Variants in APP observed in about 807,000 individuals in gnomAD.
The protein encoded by APP is amyloid-beta precursor protein.
In APP, 31 loss-of-function variants were observed where a neutral mutation model predicts 101.4. The ratio of observed to expected loss-of-function variants is 0.31; its 90% CI spans 0.23 to 0.41. The LOEUF is 0.41. Among genes scored for constraint, APP ranks in the 10% least tolerant of loss-of-function variants. APP has a pLI of 1.00. For synonymous variants in APP, 366 were observed against 364.4 expected (o/e 1.00, Z -0.05); for missense variants, 839 against 1,003.7 (o/e 0.84, Z 2.22).
At chr21:26,000,697 A>C (rs904537698) in intron 6 of APP, among the ~76,000 whole-genome samples, 5 of 152,150 alleles carry the variant, frequency 3.3e-5, no homozygotes, top group African/African-American at 1.2e-4. Flanking sequence ...CTGTCTGTCC[A>C]TTGACTTTAT....
chr21:25,933,329 C>T (rs977613221), intron 13 of APP, among the ~76,000 whole-genome samples: 1 of 152,176 alleles, frequency 6.6e-6, no homozygotes, highest in African/African-American at 2.4e-5. Flanking sequence ...TCTTGAATTG[C>T]TGGGGTCAAG....
intron 8 of APP, among the ~76,000 whole-genome samples, chr21:25,985,633 T>A (rs375414749): frequency 1.3e-5 from 2 of 152,272 alleles, no homozygotes; most frequent in Middle Eastern, 3.4e-3. Context: ...TTAGCCTCCA[T>A]AATTGTTGTG....
intron 1 of APP, among the ~76,000 whole-genome samples, chr21:26,155,769 G>A (rs1383397445): frequency 6.6e-6 from 1 of 152,148 alleles, no homozygotes; most frequent in Non-Finnish European, 1.5e-5. Context: ...GCCGAGACGG[G>A]TGGATCATGA....
chr21:25,916,639 C>T (rs2039362690), intron 13 of APP, among the ~76,000 whole-genome samples: 1 of 152,162 alleles, frequency 6.6e-6, no homozygotes, highest in East Asian at 1.9e-4. Flanking sequence ...TTAATTACAA[C>T]ACTCTGATGG....
At position 25,899,966 on chromosome 21, in the gene APP, T is replaced by TAAC. The variant is rs924337084; in HGVS notation, c.1964-2296_1964-2294dup. Among the ~76,000 whole-genome samples, 26 of 152,164 alleles carry TAAC rather than the reference T, an allele frequency of 1.7e-4. 1 individual carries two copies. Among genetic ancestry groups the TAAC allele is most frequent in the Non-Finnish European group, 2.4e-4 (16 of 68,026 alleles). On this transcript the variant is annotated intron_variant, in intron 15 of 17. Coordinates refer to ENST00000346798, the MANE Select transcript of APP (RefSeq NM_000484.4). ...TTTAACTCTGGTCCTCTCAATGACC[T>TAAC]AACCCTCAACCCCCAACTTCTTGCT... is the stretch of plus-strand genomic sequence containing the variant.
At chr21:26,080,624 A>T (rs1019300514) in intron 3 of APP, among the ~76,000 whole-genome samples, 1 of 151,904 alleles carries the variant, frequency 6.6e-6, no homozygotes, top group Non-Finnish European at 1.5e-5. Flanking sequence ...AAAAAAAATT[A>T]GCCAGTAGTG....
chr21:26,152,916 G>A (rs926844608), intron 1 of APP, among the ~76,000 whole-genome samples: 1 of 152,084 alleles, frequency 6.6e-6, no homozygotes, highest in African/African-American at 2.4e-5. Context: ...CTAATGAGAG[G>A]ATAAAGAAGA....
chr21:26,134,827 G>A (rs1421758276), intron 1 of APP, among the ~76,000 whole-genome samples: 1 of 152,142 alleles, frequency 6.6e-6, no homozygotes, highest in Non-Finnish European at 1.5e-5. Context: ...AAGGATTTTA[G>A]GAGCTAAATG....
intron 2 of APP, among the ~76,000 whole-genome samples, chr21:26,100,497 C>A (rs1177748129): frequency 3.9e-5 from 6 of 152,152 alleles, no homozygotes; most frequent in Non-Finnish European, 8.8e-5. Flanking sequence ...ATATAGTATA[C>A]CTTCCAACTC....
intron 14 of APP, 145 bp from the exon 15 acceptor site, chr21:25,905,222 G>A (rs2038727615): frequency 1.4e-6 from 1 of 734,036 alleles, no homozygotes; most frequent in Non-Finnish European, 2.4e-6. Context: ...GAACCACAGT[G>A]AGTTAATCCC....
intron 11 of APP, among the ~76,000 whole-genome samples, chr21:25,969,661 G>A (rs980093253): frequency 4.0e-5 from 6 of 151,586 alleles, no homozygotes; most frequent in Non-Finnish European, 4.4e-5. Context: ...GTAACACAGC[G>A]AGACCCTGTC....
chr21:26,128,640 G>T (rs1451448738), intron 1 of APP, among the ~76,000 whole-genome samples: 2 of 151,964 alleles, frequency 1.3e-5, no homozygotes, highest in Non-Finnish European at 2.9e-5. Flanking sequence ...AATGTCAACA[G>T]TTATTACCTG....
chr21:26,136,833 T>G (rs2062929237), intron 1 of APP, among the ~76,000 whole-genome samples: 1 of 152,198 alleles, frequency 6.6e-6, no homozygotes, highest in African/African-American at 2.4e-5. Context: ...TGTCTTCTGT[T>G]GCCAGATCTG....
At chr21:26,071,996 G>T (rs1388031045) in intron 3 of APP, among the ~76,000 whole-genome samples, 3 of 152,172 alleles carry the variant, frequency 2.0e-5, no homozygotes, top group African/African-American at 7.2e-5. Context: ...AAACTGTCTG[G>T]ATATTTCAGG....
At chr21:25,882,060 C>G (rs914753083) in intron 17 of APP, among the ~76,000 whole-genome samples, 3 of 151,934 alleles carry the variant, frequency 2.0e-5, no homozygotes, top group Non-Finnish European at 4.4e-5. Context: ...GTGGATAAAC[C>G]CAGTGCAATG....
chr21:26,112,530 G>A (rs891601148), intron 1 of APP, among the ~76,000 whole-genome samples: 2 of 152,204 alleles, frequency 1.3e-5, no homozygotes. Flanking sequence ...AAACTCCACT[G>A]ACTCACACAG....
At chr21:26,063,101 G>T (rs867577298) in intron 3 of APP, among the ~76,000 whole-genome samples, 6 of 152,278 alleles carry the variant, frequency 3.9e-5, no homozygotes, top group Middle Eastern at 6.8e-3. Context: ...CACATATACT[G>T]AAACTGAACA....
chr21:25,991,017 C>T lies in APP; in HGVS notation c.1090+6343G>A, dbSNP rs568469731. On this transcript the variant is annotated intron_variant, in intron 8 of 17. Transcript: ENST00000346798. ...AAAACCACAAAATAAAAGTCTTTTGCAGCAACTTGGATGGAGGTGGAGGCC... is the reference window on the plus strand; with the variant it reads ...AAAACCACAAAATAAAAGTCTTTTGTAGCAACTTGGATGGAGGTGGAGGCC... Among the ~76,000 whole-genome samples, 373 of 152,250 alleles carry T rather than the reference C, an allele frequency of 2.4e-3. 2 individuals are homozygous for T. The highest frequency in any genetic ancestry group is 8.7e-3 in the African/African-American group (360 of 41,536).
At chr21:26,017,329 GT>G (rs2044138291) in intron 6 of APP, among the ~76,000 whole-genome samples, 1 of 147,372 alleles carries the variant, frequency 6.8e-6, no homozygotes, top group South Asian at 2.1e-4. Context: ...CAAGAGGCCT[GT>G]TTTCCCGGCT....
Sources: gnomAD v4.1 joint callset for allele counts (sites outside exome capture counted in the v4.1 genomes callset) on GRCh38, gnomAD v4.1.1 for gene constraint, MANE v1.5 for transcripts, NCBI Gene and HGNC (gene_info 2026-07-23, HGNC 2026-07-21) for gene names.